SUGCT: variants seen among roughly 807,000 people sequenced by gnomAD.
SUGCT encodes the protein succinyl-CoA:glutarate-CoA transferase.
In SUGCT, 41 loss-of-function variants were observed where a neutral mutation model predicts 55.0. That is an observed-to-expected ratio of 0.74 (90% CI 0.58 to 0.97). SUGCT has a LOEUF of 0.97. SUGCT is among the 50% of genes least tolerant of loss of function. The pLI is 0.00. For synonymous variants in SUGCT, 187 were observed against 200.4 expected, an observed-to-expected ratio of 0.93 and a Z score of 0.56; for missense variants, 568 against 547.8, an observed-to-expected ratio of 1.04 and a Z score of -0.37.
rs117046561 is a variant in SUGCT at position 40,848,768 on chromosome 7, A to G, written c.1154-11548A>G. Among the ~76,000 whole-genome samples, 536 of 152,186 alleles carry G rather than the reference A, an allele frequency of 3.5e-3. 1 individual carries two copies. The highest frequency in any genetic ancestry group is 0.02 in the Middle Eastern group (6 of 294). ...CCTGGTCCCGTAAGCAGTGCCATGG[A>G]TTGAGTTCTTCTGTTAAAAATATCC... On this transcript the variant is annotated intron_variant, in intron 13 of 13. Transcript: ENST00000335693.
the SUGCT span, among the ~76,000 whole-genome samples, chr7:41,023,985 A>C: frequency 6.6e-6 from 1 of 152,226 alleles, no homozygotes; most frequent in Admixed American, 6.5e-5. Flanking sequence ...CGTAATCATG[A>C]TCAAGCTCTG....
chr7:41,003,603 GTC>G, the SUGCT span, among the ~76,000 whole-genome samples: 1 of 152,136 alleles, frequency 6.6e-6, no homozygotes, highest in Non-Finnish European at 1.5e-5. Context: ...ATGGGCATAT[GTC>G]TCTCTATTTC....
At chr7:40,596,463 A>T (rs534045430) in intron 12 of SUGCT, among the ~76,000 whole-genome samples, 1 of 152,184 alleles carries the variant, frequency 6.6e-6, no homozygotes, top group Non-Finnish European at 1.5e-5. Flanking sequence ...GTAAATTTTC[A>T]TTTAGGAAAT....
intron 13 of SUGCT, among the ~76,000 whole-genome samples, chr7:40,780,413 A>G (rs1789674582): frequency 6.6e-6 from 1 of 152,174 alleles, no homozygotes; most frequent in African/African-American, 2.4e-5. Flanking sequence ...GCAAATGACC[A>G]TGTTTTATTT....
At chr7:40,511,625 A>C (rs1410243291) in intron 12 of SUGCT, among the ~76,000 whole-genome samples, 1 of 152,192 alleles carries the variant, frequency 6.6e-6, no homozygotes, top group Non-Finnish European at 1.5e-5. Flanking sequence ...CTTTTTTGCA[A>C]GTCTGAATTT....
intron 9 of SUGCT, among the ~76,000 whole-genome samples, chr7:40,393,426 T>C (rs1481608149): frequency 3.3e-5 from 5 of 152,200 alleles, no homozygotes; most frequent in African/African-American, 1.2e-4. Flanking sequence ...TAGAATGATC[T>C]TGACAGAAGC....
intron 12 of SUGCT, among the ~76,000 whole-genome samples, chr7:40,708,103 A>T (rs999567609): frequency 6.6e-6 from 1 of 152,204 alleles, no homozygotes; most frequent in East Asian, 1.9e-4. Context: ...GGTCTCAAGG[A>T]TACTTGCCAT....
At chr7:40,958,670 A>T in the SUGCT span, among the ~76,000 whole-genome samples, 1 of 152,086 alleles carries the variant, frequency 6.6e-6, no homozygotes, top group African/African-American at 2.4e-5. Flanking sequence ...CTGTCAATTC[A>T]TCAAACTCAT....
chr7:40,900,812 A>G, the SUGCT span, among the ~76,000 whole-genome samples: 1 of 152,264 alleles, frequency 6.6e-6, no homozygotes, highest in African/African-American at 2.4e-5. Context: ...TTGGAAGAAG[A>G]ATGGCACATC....
chr7:40,416,167 GT>G (rs967938635), intron 9 of SUGCT, among the ~76,000 whole-genome samples: 56 of 151,180 alleles, frequency 3.7e-4, no homozygotes, highest in Admixed American at 1.1e-3. Context: ...AAAATAGAGG[GT>G]TTTTTTTGTT....
intron 9 of SUGCT, among the ~76,000 whole-genome samples, chr7:40,341,837 C>G (rs1797067343): frequency 6.6e-6 from 1 of 152,096 alleles, no homozygotes; most frequent in African/African-American, 2.4e-5. Context: ...GTTCTGAAAA[C>G]AAAAGTACAG....
intron 13 of SUGCT, among the ~76,000 whole-genome samples, chr7:40,769,871 A>G (rs1789002814): frequency 2.0e-5 from 3 of 152,318 alleles, no homozygotes; most frequent in Middle Eastern, 6.8e-3. Flanking sequence ...CCCCAAATGT[A>G]CACACCAATG....
chr7:40,439,564 A>G (rs376551847), intron 9 of SUGCT, among the ~76,000 whole-genome samples: 3 of 152,116 alleles, frequency 2.0e-5, no homozygotes, highest in Non-Finnish European at 2.9e-5. Context: ...TGGGCTCTCA[A>G]CATGTCAGTA....
intron 12 of SUGCT, among the ~76,000 whole-genome samples, chr7:40,564,513 T>C (rs1407913376): frequency 3.3e-5 from 5 of 152,266 alleles, no homozygotes; most frequent in African/African-American, 4.8e-5. Context: ...AGGAAAGGAA[T>C]GTACTTGAAA....
intron 12 of SUGCT, among the ~76,000 whole-genome samples, chr7:40,647,696 C>T (rs768444461): frequency 5.9e-5 from 9 of 151,896 alleles, no homozygotes; most frequent in Non-Finnish European, 1.0e-4. Flanking sequence ...ATTTAAACTA[C>T]AAAAATTAGC....
chr7:40,375,562 A>T (rs1288101325), intron 9 of SUGCT, among the ~76,000 whole-genome samples: 3 of 152,080 alleles, frequency 2.0e-5, no homozygotes, highest in Non-Finnish European at 4.4e-5. Flanking sequence ...AGTGGAACTG[A>T]TTCTTTCTTA....
intron 12 of SUGCT, among the ~76,000 whole-genome samples, chr7:40,724,042 T>C (rs1367038645): frequency 6.6e-6 from 1 of 152,220 alleles, no homozygotes; most frequent in Non-Finnish European, 1.5e-5. Context: ...CCAGACATCA[T>C]GTGAAGAAAA....
At chr7:41,015,342 T>C in the SUGCT span, among the ~76,000 whole-genome samples, 9 of 152,294 alleles carry the variant, frequency 5.9e-5, no homozygotes, top group Admixed American at 2.6e-4. Context: ...AAGCAATTAA[T>C]TGGGTGAAAT....
chr7:40,836,780 C>T (rs1211191167), intron 13 of SUGCT, among the ~76,000 whole-genome samples: 1 of 152,148 alleles, frequency 6.6e-6, no homozygotes, highest in Non-Finnish European at 1.5e-5. Context: ...TTGCTTGTGT[C>T]AATAGTTCAT....
Sources: gnomAD v4.1 joint callset for allele counts (sites outside exome capture counted in the v4.1 genomes callset) on GRCh38, gnomAD v4.1.1 for gene constraint, MANE v1.5 for transcripts, NCBI Gene and HGNC (gene_info 2026-07-23, HGNC 2026-07-21) for gene names.